ZNF354C: variants seen among roughly 807,000 people sequenced by gnomAD.
The protein encoded by ZNF354C is KRAB-zinc finger protein synten.
Under a neutral mutation model 12.4 loss-of-function variants are expected in ZNF354C, and 7 were observed. The observed-to-expected ratio is 0.56, with a 90% CI of 0.32 to 1.06. The LOEUF (loss-of-function observed/expected upper bound fraction) is 1.06. Ranked by LOEUF, ZNF354C falls within the 50% of genes least tolerant of loss-of-function variation. ZNF354C has a pLI of 0.04. For missense variants in ZNF354C, 609 were observed against 658.0 expected (o/e 0.93, Z 0.81); for synonymous variants, 202 against 224.5 (o/e 0.90, Z 0.90).
chr5:179,079,643 G>A lies in ZNF354C; in HGVS notation c.1211G>A (p.Arg404Gln), dbSNP rs143036580. ...TRIVTLIEHQ[R>Q]IHTGQKPYQC... ...ATTGTAACCCTTATCGAACATCAGC[G>A]AATTCACACTGGACAAAAACCTTAT... is the stretch of plus-strand genomic sequence containing the variant. The change falls in exon 5 of 5, where the codon CGA becomes CAA. Residue 404 changes from arginine (R) to glutamine (Q), a missense_variant. Arg to Gln is a conservative substitution (Grantham distance 43). Transcript: ENST00000315475. This position sits in a 1 kb window ranked among gnomAD's most constrained non-coding sequence, Gnocchi z 4.2. 1.3e-3 allele frequency: 2,063 copies of A among 1,614,126 alleles called. 3 individuals are homozygous for A. The highest frequency in any genetic ancestry group is 1.7e-3 in the Non-Finnish European group (1,956 of 1,180,034).
At chr5:179,067,190 A>G (rs896365256) in intron 2 of ZNF354C, among the ~76,000 whole-genome samples, 4 of 152,194 alleles carry the variant, frequency 2.6e-5, no homozygotes, top group South Asian at 2.1e-4. Context: ...AAGGCTATAG[A>G]ATCGTTTGAA....
chr5:179,069,867 A>AAT (rs1311801587), intron 2 of ZNF354C, among the ~76,000 whole-genome samples: 14 of 152,222 alleles, frequency 9.2e-5, no homozygotes, highest in Non-Finnish European at 1.8e-4. Context: ...CTCTGTCTCA[A>AAT]AAACAAACAA....
In ZNF354C at chr5:179,083,209, A is replaced by G. The variant is rs1317669025; in HGVS notation, c.*3112A>G. 3.2e-6 allele frequency: 1 copy of G among 310,992 alleles called. No homozygotes were observed. Among genetic ancestry groups the G allele is most frequent in the Non-Finnish European group, 5.9e-6 (1 of 169,852 alleles). The allele number at this position is 310,992 out of a possible 1,614,324, so 19.3% of individuals were successfully genotyped here. ...CCTTTATTAGCTTCTGATTCATAAA[A>G]AAACCTATAAGAGACATTTGGGGGG... On this transcript the variant is annotated 3_prime_UTR_variant, in exon 5 of 5. Transcript: ENST00000315475.
chr5:179,070,347 G>A (rs922238884), intron 2 of ZNF354C, among the ~76,000 whole-genome samples: 6 of 152,124 alleles, frequency 3.9e-5, no homozygotes, highest in African/African-American at 9.7e-5. Context: ...CTCTGATATC[G>A]AGTACAGTCT....
Position 179,082,922 on chromosome 5 carries a change from C to T in ZNF354C, c.*2825C>T. On this transcript the variant is annotated 3_prime_UTR_variant, in exon 5 of 5. Coordinates refer to ENST00000315475, the MANE Select transcript of ZNF354C (RefSeq NM_014594.3). Reference sequence around the variant, plus strand: ...GATGAAGAATCACGGAGAACTCCACCTCATCTCCTGCCTGGAGCTCAAGGC... The same window carrying T: ...GATGAAGAATCACGGAGAACTCCACTTCATCTCCTGCCTGGAGCTCAAGGC... The T allele has an allele frequency of 3.2e-6, 3 of 941,716 alleles. No homozygotes were observed. The highest frequency in any genetic ancestry group is 5.2e-6 in the Non-Finnish European group (3 of 573,694). The allele number at this position is 941,716 out of a possible 1,614,324, so 58.3% of individuals were successfully genotyped here. A position where few individuals can be genotyped will look rare whatever the true frequency, so the allele number is the denominator to read the frequency against.
intron 2 of ZNF354C, among the ~76,000 whole-genome samples, chr5:179,067,997 A>G (rs917922878): frequency 2.0e-5 from 3 of 152,156 alleles, no homozygotes; most frequent in African/African-American, 4.8e-5. Flanking sequence ...CTGGCTCTAC[A>G]GAAAAACAAG....
rs1351108682 is a variant in ZNF354C, at chr5:179,079,570, G to T, written c.1138G>T (p.Gly380Ter). The T allele has an allele frequency of 1.2e-6, 2 of 1,614,104 alleles. No homozygotes were observed. Among genetic ancestry groups the T allele is most frequent in the Non-Finnish European group, 1.7e-6 (2 of 1,180,014 alleles). ...AGCTGAACATCAGAGGTTTCATACT[G>T]GAGAACAACTGTATACATGCTTGGA... ...SLAEHQRFHT[G>*]EQLYTCLECG... Residue 380 changes from glycine to a stop codon, truncating the protein, a stop_gained, in exon 5 of 5, where the codon GGA becomes TGA. Transcript: ENST00000315475. LOFTEE classifies it low-confidence loss of function (END_TRUNC). The surrounding 1 kb of genome is among the most constrained non-coding windows in gnomAD (Gnocchi z 4.2).
At chr5:179,071,367 ATT>A (rs35793705) in intron 2 of ZNF354C, among the ~76,000 whole-genome samples, 6,049 of 131,474 alleles carry the variant, frequency 0.046, 118 homozygotes, top group Admixed American at 0.076. Flanking sequence ...TGCCAGGCTC[ATT>A]TTTTTTTTTT....
rs866576151 is a variant in ZNF354C, at chr5:179,079,135, C to T, written c.703C>T (p.Gln235Ter). 1.9e-6 allele frequency: 3 copies of T among 1,613,714 alleles called. No individual in the cohort carries two copies. The highest frequency in any genetic ancestry group is 2.7e-5 in the African/African-American group (2 of 74,916). The change falls in exon 5 of 5, where the codon CAG becomes TAG. Residue 235 changes from glutamine (Q) to a stop codon, truncating the protein, a stop_gained. Transcript: ENST00000315475. LOFTEE classifies it low-confidence loss of function (END_TRUNC). The surrounding 1 kb of genome is among the most constrained non-coding windows in gnomAD (Gnocchi z 4.2). ...FKQNLHLIEH[Q>*]RIHTGEKPYK... ...GCAGAATCTGCATCTTATTGAACAT[C>T]AGAGAATTCATACAGGTGAGAAACC... is the stretch of plus-strand genomic sequence containing the variant.
chr5:179,081,733 T>C lies in ZNF354C; in HGVS notation c.*1636T>C, dbSNP rs764988678. 6 of 152,222 alleles carry C rather than the reference T, an allele frequency of 3.9e-5. No homozygotes were observed. Among genetic ancestry groups the C allele is most frequent in the Non-Finnish European group, 7.3e-5 (5 of 68,032 alleles). The allele number at this position is 152,222 out of a possible 1,614,324, so 9.4% of individuals were successfully genotyped here. The stretch of plus-strand genomic sequence containing the variant: ...TTGGTTTCTAAATGCCATTCCCCAC[T>C]AAAAGGAACCAGGGTTCCTTGGAGA... On this transcript the variant is annotated 3_prime_UTR_variant, in exon 5 of 5. Transcript: ENST00000315475.
intron 4 of ZNF354C, 48 bp downstream of exon 4, chr5:179,077,214 G>C: frequency 6.8e-7 from 1 of 1,480,636 alleles, no homozygotes; most frequent in East Asian, 2.3e-5. Context: ...TTATAGACAA[G>C]TAGGTCACAA....
Position 179,078,943 on chromosome 5 carries a change from A to G in ZNF354C, c.511A>G (p.Thr171Ala). The G allele has an allele frequency of 6.2e-7, 1 of 1,614,066 alleles. No homozygotes were observed. Among genetic ancestry groups the G allele is most frequent in the Non-Finnish European group, 8.5e-7 (1 of 1,179,950 alleles). Reference protein sequence around the residue: ...TSLELGKSLFTNTALVTQQSV... With the variant: ...TSLELGKSLFANTALVTQQSV... ...TCTTGAATTGGGGAAAAGCTTATTT[A>G]CAAATACAGCTCTTGTCACACAACA... Residue 171 changes from threonine (T) to alanine (A), a missense_variant, in exon 5 of 5, where the codon ACA (threonine) becomes GCA (alanine). Coordinates refer to ENST00000315475, the MANE Select transcript of ZNF354C (RefSeq NM_014594.3).
rs138126552 is a variant in ZNF354C, at chr5:179,065,253, G to A, written c.27+3158G>A. On this transcript the variant is annotated intron_variant, in intron 2 of 4. Transcript: ENST00000315475. The stretch of plus-strand genomic sequence containing the variant: ...ATTCACATTTCCTTAGTTTTTACCT[G>A]CTGTCCTTTTTGTGTGCCAGGGCCC... 8.8e-4 allele frequency among the ~76,000 whole-genome samples: 134 copies of A among 152,164 alleles called. 3 individuals carry two copies. The East Asian group carries it at 0.022, about 25-fold the overall frequency.
Position 179,076,488 on chromosome 5 carries a change from ACG to A in ZNF354C, c.72_73del (p.Asp24GlufsTer66). ...GATGTGGCCGTGTTCTTCAGCCAGGACGAGTGGTTGCACCTGGACTCTGCCCA... is the reference window on the plus strand; with the variant it reads ...GATGTGGCCGTGTTCTTCAGCCAGGAAGTGGTTGCACCTGGACTCTGCCCA... On this transcript the variant is annotated frameshift_variant, in exon 3 of 5. Coordinates refer to ENST00000315475, the MANE Select transcript of ZNF354C (RefSeq NM_014594.3). LOFTEE classifies it high-confidence loss of function. 1 of 1,614,166 alleles carries A rather than the reference ACG, an allele frequency of 6.2e-7. No individual in the cohort carries two copies. Among genetic ancestry groups the A allele is most frequent in the Non-Finnish European group, 8.5e-7 (1 of 1,180,032 alleles).
intron 4 of ZNF354C, among the ~76,000 whole-genome samples, chr5:179,077,747 G>T (rs1205517166): frequency 6.6e-6 from 1 of 150,944 alleles, no homozygotes; most frequent in Admixed American, 6.6e-5. Flanking sequence ...CGATCACATA[G>T]AATCATCACA....
intron 2 of ZNF354C, among the ~76,000 whole-genome samples, chr5:179,064,055 C>T (rs1581114793): frequency 6.6e-6 from 1 of 152,220 alleles, no homozygotes; most frequent in Non-Finnish European, 1.5e-5. Flanking sequence ...GGGCTATCTG[C>T]TGCCCAAAGG....
chr5:179,075,766 C>A (rs1232651466), intron 2 of ZNF354C, among the ~76,000 whole-genome samples: 1 of 152,112 alleles, frequency 6.6e-6, no homozygotes, highest in African/African-American at 2.4e-5. Flanking sequence ...AGAGATCTAC[C>A]TCATTCTATT....
chr5:179,071,837 T>C (rs956424826), intron 2 of ZNF354C, among the ~76,000 whole-genome samples: 1 of 152,122 alleles, frequency 6.6e-6, no homozygotes. Context: ...GAACCATACA[T>C]GCACAGGACA....
chr5:179,077,797 G>A (rs930963626), intron 4 of ZNF354C, among the ~76,000 whole-genome samples: 2 of 146,744 alleles, frequency 1.4e-5, no homozygotes, highest in African/African-American at 5.0e-5. Context: ...AAACCTGAAT[G>A]TCCCCCCACT....
Sources: allele counts gnomAD v4.1 joint callset (sites outside exome capture counted in the v4.1 genomes callset), GRCh38; gene constraint gnomAD v4.1.1; non-coding constraint Gnocchi (gnomAD v3.1); transcripts MANE v1.5; gene names NCBI Gene and HGNC (gene_info 2026-07-23, HGNC 2026-07-21).